The following SCN10A variants were observed in gnomAD, a reference collection of about 807,000 sequenced individuals.
SCN10A encodes sodium channel protein type 10 subunit alpha.
A neutral mutation model predicts 170.7 loss-of-function variants in SCN10A; 162 were observed. The ratio of observed to expected loss-of-function variants is 0.95; its 90% CI spans 0.84 to 1.08. SCN10A has a LOEUF of 1.08. Ranked by LOEUF, SCN10A falls within the 50% of genes least tolerant of loss-of-function variation. The probability of loss-of-function intolerance (pLI) is 0.00; values close to 1 mark genes in which losing one functional copy is unlikely to be tolerated. For synonymous variants in SCN10A, 985 were observed against 904.6 expected (o/e 1.09, Z -1.59); for missense variants, 2,527 against 2,436.9 (o/e 1.04, Z -0.78).
rs138832868 is a variant in SCN10A at position 38,713,959 on chromosome 3, C to T, written c.3803G>A (p.Arg1268Gln). The change falls in exon 22 of 28, where the codon CGG becomes CAG. Residue 1268 changes from arginine (R) to glutamine (Q), a missense_variant and splice_region_variant. Transcript: ENST00000449082. ...GAGAAGTTTTGAGATCAGACTTACC[C>T]GCATGCCTTCAAATCGAGAAAGAGC... ...LRALSRFEGM[R>Q]VVVDALVGAI... 4,048 of 1,613,264 alleles carry T rather than the reference C, an allele frequency of 2.5e-3. 12 individuals carry two copies. Among genetic ancestry groups the T allele is most frequent in the Non-Finnish European group, 3.1e-3 (3,685 of 1,180,004 alleles).
At chr3:38,811,161 T>C (rs1182208731) in intron 1 of SCN10A, among the ~76,000 whole-genome samples, 1 of 152,134 alleles carries the variant, frequency 6.6e-6, no homozygotes, top group Non-Finnish European at 1.5e-5. Context: ...ATCGTAATAA[T>C]AGAACTACAG....
chr3:38,718,639 A>C lies in SCN10A; in HGVS notation c.3681+14T>G. 6.2e-7 allele frequency: 1 copy of C among 1,613,778 alleles called. No homozygotes were observed. Among genetic ancestry groups the C allele is most frequent in the Non-Finnish European group, 8.5e-7 (1 of 1,179,836 alleles). On this transcript the variant is annotated intron_variant, in intron 21 of 27. Transcript: ENST00000449082. ...AGGACCCCAAACCCCACGTGTTCCC[A>C]CTGAGCCACTCACATTCACAATGAG...
At position 38,721,252 on chromosome 3, in the gene SCN10A, G is replaced by T. The variant is rs540866519; in HGVS notation, c.3507+1006C>A. On this transcript the variant is annotated intron_variant, in intron 20 of 27. Transcript: ENST00000449082. ...TTAGAGAGTAAATGACACATGAGGCGCAAGATGAGTGAAAACACTGCAGCC... is the reference window on the plus strand; with the variant it reads ...TTAGAGAGTAAATGACACATGAGGCTCAAGATGAGTGAAAACACTGCAGCC... Among the ~76,000 whole-genome samples the T allele has an allele frequency of 3.9e-4, 60 of 152,306 alleles. No homozygotes were observed. The South Asian group carries it at 8.7e-3, about 22-fold the overall frequency.
At chr3:38,770,177 G>A (rs1318859137) in intron 5 of SCN10A, among the ~76,000 whole-genome samples, 2 of 152,192 alleles carry the variant, frequency 1.3e-5, no homozygotes, top group Admixed American at 1.3e-4. Context: ...AATGGCCTGA[G>A]CTGTTTGACC....
chr3:38,791,429 TG>T (rs1378283190), intron 3 of SCN10A, among the ~76,000 whole-genome samples: 3 of 152,220 alleles, frequency 2.0e-5, no homozygotes, highest in African/African-American at 7.2e-5. Flanking sequence ...ATTACAGTCT[TG>T]TATGGCATGA....
At chr3:38,706,161 A>G (rs1201149516) in intron 26 of SCN10A, among the ~76,000 whole-genome samples, 6 of 152,208 alleles carry the variant, frequency 3.9e-5, no homozygotes, top group Non-Finnish European at 8.8e-5. Context: ...TTCAAAATAC[A>G]GTGTCAAAAG....
chr3:38,730,366 T>C (rs917081661), intron 15 of SCN10A, among the ~76,000 whole-genome samples: 3 of 152,228 alleles, frequency 2.0e-5, no homozygotes, highest in Admixed American at 2.0e-4. Flanking sequence ...AGAGCAATTC[T>C]ACAAAGTGCT....
At chr3:38,747,067 A>T (rs2063698350) in intron 13 of SCN10A, among the ~76,000 whole-genome samples, 2 of 152,108 alleles carry the variant, frequency 1.3e-5, no homozygotes, top group South Asian at 2.1e-4. Flanking sequence ...ATAACATCCA[A>T]CCAGAGAAGA....
chr3:38,726,300 A>AT (rs2063453592), intron 17 of SCN10A, among the ~76,000 whole-genome samples: 1 of 152,150 alleles, frequency 6.6e-6, no homozygotes, highest in South Asian at 2.1e-4. Context: ...GAGAAATCTC[A>AT]TTAGCATCTC....
In SCN10A at chr3:38,761,188, T is replaced by C. The variant is rs753731740; in HGVS notation, c.883+4A>G. The C allele has an allele frequency of 6.2e-7, 1 of 1,606,316 alleles. No individual in the cohort carries two copies. Among genetic ancestry groups the C allele is most frequent in the South Asian group, 1.1e-5 (1 of 89,252 alleles). On this transcript the variant is annotated splice_donor_region_variant and intron_variant, in intron 7 of 27. Transcript: ENST00000449082. ...TTGGTCCCTATGGAAGAGACTCCAC[T>C]CACGTTTTCTGTGAGATGAGTAGTT...
intron 1 of SCN10A, among the ~76,000 whole-genome samples, chr3:38,813,299 C>G (rs759253035): frequency 6.6e-6 from 1 of 152,202 alleles, no homozygotes; most frequent in Non-Finnish European, 1.5e-5. Context: ...ATAGGACTCC[C>G]TCTTGTCACC....
At chr3:38,751,430 C>A (rs1467838095) in intron 12 of SCN10A, among the ~76,000 whole-genome samples, 2 of 152,204 alleles carry the variant, frequency 1.3e-5, no homozygotes, top group Non-Finnish European at 2.9e-5. Flanking sequence ...CTTGCTGGGA[C>A]CCTGAATCAC....
chr3:38,720,032 G>A (rs771960223), intron 20 of SCN10A, among the ~76,000 whole-genome samples: 5 of 152,252 alleles, frequency 3.3e-5, no homozygotes, highest in Admixed American at 6.5e-5. Flanking sequence ...GATTTACAAG[G>A]CTGTCTTCTT....
At chr3:38,792,269 CAAG>C (rs2064292555) in intron 2 of SCN10A, 101 bp from the exon 3 acceptor site, 1 of 1,445,156 alleles carries the variant, frequency 6.9e-7, no homozygotes, top group Admixed American at 1.9e-5. Context: ...GGCTTATGAG[CAAG>C]AAGGGCTCTG....
intron 1 of SCN10A, among the ~76,000 whole-genome samples, chr3:38,800,867 C>A (rs1410640792): frequency 2.0e-5 from 3 of 152,076 alleles, no homozygotes; most frequent in African/African-American, 7.2e-5. Flanking sequence ...TATAGTAGCA[C>A]CTTGACTTGA....
chr3:38,793,698 T>C (rs1333621125), intron 2 of SCN10A, 43 bp downstream of exon 2: 1 of 1,587,788 alleles, frequency 6.3e-7, no homozygotes, highest in Non-Finnish European at 8.6e-7. Flanking sequence ...CGAGACTTCC[T>C]CTCCAAGAGC....
chr3:38,748,070 A>G (rs1310494208), intron 13 of SCN10A, among the ~76,000 whole-genome samples: 2 of 152,220 alleles, frequency 1.3e-5, no homozygotes, highest in African/African-American at 4.8e-5. Flanking sequence ...ATGAAAGAAG[A>G]GAGAAGGAGG....
rs1169839381 is a variant in SCN10A at position 38,697,616 on chromosome 3, G to A, written c.5604C>T (p.His1868=). Reference sequence around the variant, plus strand: ...GGGTGTTAGAGAGTGCCATGGAGCGGTGCAGCACATAGCTCCGATAGGCCT... The same window carrying A: ...GGGTGTTAGAGAGTGCCATGGAGCGATGCAGCACATAGCTCCGATAGGCCT... ...IQKAYRSYVL[H]RSMALSNTPC... The change falls in exon 28 of 28, where the codon CAC becomes CAT. Residue 1868 remains histidine (H), a synonymous_variant. Coordinates refer to ENST00000449082, the MANE Select transcript of SCN10A (RefSeq NM_006514.4). 9 of 1,614,072 alleles carry A rather than the reference G, an allele frequency of 5.6e-6. No homozygotes were observed. Among genetic ancestry groups the A allele is most frequent in the Non-Finnish European group, 7.6e-6 (9 of 1,180,022 alleles).
intron 24 of SCN10A, among the ~76,000 whole-genome samples, chr3:38,710,408 G>A (rs150427788): frequency 0.012 from 1,812 of 152,138 alleles, 42 homozygotes; most frequent in African/African-American, 0.041. Context: ...TGCCCACCTC[G>A]GCCTCCCAAA....
Sources: gnomAD v4.1 joint callset for allele counts (sites outside exome capture counted in the v4.1 genomes callset) on GRCh38, gnomAD v4.1.1 for gene constraint, MANE v1.5 for transcripts, NCBI Gene and HGNC (gene_info 2026-07-23, HGNC 2026-07-21) for gene names.